SH3PXD2A: variants seen among roughly 807,000 people sequenced by gnomAD.
SH3PXD2A encodes the protein SH3 and PX domains 2A.
SH3PXD2A carries 32 observed loss-of-function variants against 115.2 expected under a neutral mutation model. That is an observed-to-expected ratio of 0.28 (90% CI 0.21 to 0.37). SH3PXD2A has a LOEUF of 0.37. Ranked by LOEUF, SH3PXD2A falls within the 10% of genes least tolerant of loss-of-function variation. The pLI is 1.00. For missense variants in SH3PXD2A, 1,328 were observed against 1,498.7 expected, an observed-to-expected ratio of 0.89 and a Z score of 1.88; for synonymous variants, 610 against 629.1, an observed-to-expected ratio of 0.97 and a Z score of 0.45.
intron 3 of SH3PXD2A, among the ~76,000 whole-genome samples, chr10:103,763,589 C>T (rs1277653710): frequency 6.6e-6 from 1 of 152,196 alleles, no homozygotes; most frequent in Non-Finnish European, 1.5e-5. Flanking sequence ...CAGACACCCT[C>T]CCTAGAGGCA....
At chr10:103,809,625 T>C (rs2039244920) in intron 1 of SH3PXD2A, among the ~76,000 whole-genome samples, 1 of 152,014 alleles carries the variant, frequency 6.6e-6, no homozygotes, top group Non-Finnish European at 1.5e-5. Context: ...TGCCTTTGTT[T>C]GCAGGAATCA....
At position 103,724,347 on chromosome 10, in the gene SH3PXD2A, C is replaced by T. The variant is rs146043036; in HGVS notation, c.321G>A (p.Leu107=). The T allele has an allele frequency of 3.0e-4, 473 of 1,578,506 alleles. 5 individuals are homozygous for T. Among genetic ancestry groups the T allele is most frequent in the East Asian group, 2.7e-4 (11 of 41,450 alleles). Residue 107 remains leucine (L), a synonymous_variant, in exon 5 of 15, where the codon CTG becomes CTA. Coordinates refer to ENST00000369774, the MANE Select transcript of SH3PXD2A (RefSeq NM_001394015.1). ...CGTCACACTGTGAGATGTGGGGGGG[C>T]AGCCGGACAAGTGCCTGTGGAGAGA... is the stretch of plus-strand genomic sequence containing the variant. ...IDEYCRALVR[L]PPHISQCDEV...
At chr10:103,815,782 A>G (rs1346161623) in intron 1 of SH3PXD2A, among the ~76,000 whole-genome samples, 1 of 151,966 alleles carries the variant, frequency 6.6e-6, no homozygotes, top group Non-Finnish European at 1.5e-5. Flanking sequence ...CCAGCTACTC[A>G]GGAGGCTGAG....
chr10:103,843,376 G>A (rs571132833), intron 1 of SH3PXD2A, among the ~76,000 whole-genome samples: 1 of 152,204 alleles, frequency 6.6e-6, no homozygotes, highest in Non-Finnish European at 1.5e-5. Flanking sequence ...CAAGCATGGG[G>A]CTGAAAATAC....
intron 1 of SH3PXD2A, among the ~76,000 whole-genome samples, chr10:103,836,682 T>TACACACACACACACAC (rs55855121): frequency 6.0e-5 from 9 of 148,890 alleles, no homozygotes; most frequent in Non-Finnish European, 7.4e-5. Context: ...CACAGACATG[T>TACACACACACACACAC]ACACACACAC....
In SH3PXD2A at chr10:103,605,782, A is replaced by G; in HGVS notation, c.1428+16T>C. Reference sequence around the variant, plus strand: ...ACAATGAGTTAAAACCCTCGGCCTCATGGCCCAAGGCTTACCTCTGCCTTC... The same window carrying G: ...ACAATGAGTTAAAACCCTCGGCCTCGTGGCCCAAGGCTTACCTCTGCCTTC... On this transcript the variant is annotated intron_variant, in intron 14 of 14. Coordinates refer to ENST00000369774, the MANE Select transcript of SH3PXD2A (RefSeq NM_001394015.1). 4.3e-6 allele frequency: 7 copies of G among 1,614,104 alleles called. No individual in the cohort carries two copies. The highest frequency in any genetic ancestry group is 5.9e-6 in the Non-Finnish European group (7 of 1,179,960).
intron 1 of SH3PXD2A, among the ~76,000 whole-genome samples, chr10:103,839,797 A>G (rs757921560): frequency 6.6e-6 from 1 of 152,212 alleles, no homozygotes; most frequent in Non-Finnish European, 1.5e-5. Flanking sequence ...CTACCTCCCC[A>G]AAGTCACCAA....
intron 2 of SH3PXD2A, among the ~76,000 whole-genome samples, chr10:103,795,100 C>T (rs952545147): frequency 3.3e-5 from 5 of 152,172 alleles, no homozygotes; most frequent in Non-Finnish European, 2.9e-5. Flanking sequence ...TAGAAATGTT[C>T]CATATCTGCC....
chr10:103,650,142 G>A (rs1459430272), intron 8 of SH3PXD2A, among the ~76,000 whole-genome samples: 1 of 152,124 alleles, frequency 6.6e-6, no homozygotes, highest in Admixed American at 6.5e-5. Flanking sequence ...AGTAACAGGC[G>A]GAAGGGCCCA....
intron 4 of SH3PXD2A, 69 bp downstream of exon 4, chr10:103,735,663 G>T: frequency 2.4e-6 from 3 of 1,226,720 alleles, no homozygotes; most frequent in South Asian, 1.2e-5. Context: ...TGGACACTCA[G>T]GCAAATGGGC....
chr10:103,614,433 G>C (rs934282052), intron 11 of SH3PXD2A, among the ~76,000 whole-genome samples: 1 of 152,062 alleles, frequency 6.6e-6, no homozygotes, highest in African/African-American at 2.4e-5. Flanking sequence ...AAAGACAAAA[G>C]CACATGACTA....
intron 1 of SH3PXD2A, among the ~76,000 whole-genome samples, chr10:103,835,635 G>T (rs1039471501): frequency 2.0e-5 from 3 of 152,148 alleles, no homozygotes; most frequent in Non-Finnish European, 4.4e-5. Flanking sequence ...GCCCAGGGGG[G>T]TGAACTCAAG....
chr10:103,640,787 G>C (rs903353010), intron 8 of SH3PXD2A, among the ~76,000 whole-genome samples: 3 of 152,104 alleles, frequency 2.0e-5, no homozygotes, highest in Non-Finnish European at 4.4e-5. Context: ...AGGCAGTGTC[G>C]GTCAGAAGGG....
intron 1 of SH3PXD2A, among the ~76,000 whole-genome samples, chr10:103,814,772 C>T (rs1294055376): frequency 6.6e-6 from 1 of 152,124 alleles, no homozygotes; most frequent in Non-Finnish European, 1.5e-5. Context: ...GTGCTAGAAA[C>T]GAAGGCAGTA....
chr10:103,603,832 G>A (rs568937636), intron 14 of SH3PXD2A, 43 bp from the exon 15 acceptor site: 2 of 1,540,512 alleles, frequency 1.3e-6, no homozygotes, highest in Non-Finnish European at 1.7e-6. Context: ...GGGAGGATCT[G>A]GAACCCTATG....
At chr10:103,743,134 G>A (rs536534735) in intron 3 of SH3PXD2A, among the ~76,000 whole-genome samples, 21 of 152,122 alleles carry the variant, frequency 1.4e-4, no homozygotes, top group Non-Finnish European at 2.8e-4. Context: ...CTCACCAGGC[G>A]CCTCCATCCG....
At chr10:103,713,814 G>A (rs1232338715) in intron 5 of SH3PXD2A, among the ~76,000 whole-genome samples, 4 of 152,222 alleles carry the variant, frequency 2.6e-5, no homozygotes, top group Non-Finnish European at 5.9e-5. Context: ...GCAGGTGGGG[G>A]AGGAGCCAGG....
rs560032510 is a variant in SH3PXD2A at position 103,763,749 on chromosome 10, C to T, written c.229+3345G>A. ...GCTGCCCCCTTCTTCAGATGCATGC[C>T]CCCGGCCATGAGAGCCATCATGCCC... On this transcript the variant is annotated intron_variant, in intron 3 of 14. Coordinates refer to ENST00000369774, the MANE Select transcript of SH3PXD2A (RefSeq NM_001394015.1). Among the ~76,000 whole-genome samples the T allele has an allele frequency of 2.6e-5, 4 of 152,324 alleles. No homozygotes were observed. The South Asian group carries it at 8.3e-4, about 32-fold the overall frequency.
In SH3PXD2A at chr10:103,666,739, CG is replaced by C. The variant is rs988716452; in HGVS notation, c.472+1868del. 6.6e-6 allele frequency among the ~76,000 whole-genome samples: 1 copy of C among 152,146 alleles called. No individual in the cohort carries two copies. The highest frequency in any genetic ancestry group is 1.5e-5 in the Non-Finnish European group (1 of 68,042). Reference sequence around the variant, plus strand: ...TTGTTCTGAGCACGGAATGAAGTGACGGGGCTTCAAGTCCTATGGAAATCAT... The same window carrying C: ...TTGTTCTGAGCACGGAATGAAGTGACGGGCTTCAAGTCCTATGGAAATCAT... On this transcript the variant is annotated intron_variant, in intron 7 of 14. Coordinates refer to ENST00000369774, the MANE Select transcript of SH3PXD2A (RefSeq NM_001394015.1). The surrounding 1 kb of genome is among the most constrained non-coding windows in gnomAD (Gnocchi z 4.5).
Sources: gnomAD v4.1 joint callset for allele counts (sites outside exome capture counted in the v4.1 genomes callset) on GRCh38, gnomAD v4.1.1 for gene constraint, Gnocchi (gnomAD v3.1) non-coding constraint, MANE v1.5 for transcripts, NCBI Gene and HGNC (gene_info 2026-07-23, HGNC 2026-07-21) for gene names.